BZW2: variants seen among roughly 807,000 people sequenced by gnomAD.
BZW2 encodes basic leucine zipper and W2 domains 2, also known as eIF5-mimic protein 1.
Under a neutral mutation model 53.2 loss-of-function variants are expected in BZW2, and 23 were observed. The observed-to-expected ratio is 0.43, with a 90% CI of 0.31 to 0.61. BZW2 has a LOEUF of 0.61. Among genes scored for constraint, BZW2 ranks in the 20% least tolerant of loss-of-function variants. The pLI is 0.09. For synonymous variants in BZW2, 227 were observed against 186.4 expected, an observed-to-expected ratio of 1.22 and a Z score of -1.77; for missense variants, 409 against 503.1, an observed-to-expected ratio of 0.81 and a Z score of 1.79.
At chr7:16,672,062 A>G (rs1329994771) in intron 2 of BZW2, among the ~76,000 whole-genome samples, 1 of 152,084 alleles carries the variant, frequency 6.6e-6, no homozygotes. Flanking sequence ...TAAGTTTTAC[A>G]TACCACTTGT....
In BZW2 at chr7:16,669,628, A is replaced by G. The variant is rs1192031602; in HGVS notation, c.58+4127A>G. Among the ~76,000 whole-genome samples, 6 of 152,338 alleles carry G rather than the reference A, an allele frequency of 3.9e-5. No homozygotes were observed. In the East Asian group the frequency reaches 9.6e-4, roughly 24 times the overall value. ...TGCTACATCTCAGTGACATCCAGAA[A>G]GGGATGTAGGTTCTGCTATTATATC... On this transcript the variant is annotated intron_variant, in intron 2 of 11. Transcript: ENST00000258761.
chr7:16,678,835 G>A (rs192511990), intron 3 of BZW2, among the ~76,000 whole-genome samples: 4 of 151,660 alleles, frequency 2.6e-5, no homozygotes, highest in East Asian at 1.9e-4. Flanking sequence ...GTGACATCAC[G>A]TGTCGGCCTG....
At chr7:16,659,078 A>G (rs1782188255) in intron 1 of BZW2, among the ~76,000 whole-genome samples, 1 of 151,856 alleles carries the variant, frequency 6.6e-6, no homozygotes, top group Non-Finnish European at 1.5e-5. Context: ...CCTGGGCAAC[A>G]TGGCGAAACT....
Position 16,693,909 on chromosome 7 carries a change from T to C in BZW2, c.652-925T>C, listed in dbSNP as rs182747317. ...TAGGAGCCCTCCAGCTGTGTTCCTA[T>C]AGGTGGTGGCAAACCCATTGCAGAT... is the stretch of plus-strand genomic sequence containing the variant. On this transcript the variant is annotated intron_variant, in intron 7 of 11. Coordinates refer to ENST00000258761, the MANE Select transcript of BZW2 (RefSeq NM_014038.3). Among the ~76,000 whole-genome samples the C allele has an allele frequency of 3.5e-4, 53 of 152,316 alleles. No homozygotes were observed. In the Middle Eastern group the frequency reaches 0.014, roughly 39 times the overall value.
intron 1 of BZW2, among the ~76,000 whole-genome samples, chr7:16,655,097 C>G (rs1782088628): frequency 6.6e-6 from 1 of 152,108 alleles, no homozygotes; most frequent in Non-Finnish European, 1.5e-5. Context: ...AAGTGGCCAC[C>G]TACTTTTTTC....
At chr7:16,701,611 A>G (rs1407198595) in intron 10 of BZW2, among the ~76,000 whole-genome samples, 30 of 152,282 alleles carry the variant, frequency 2.0e-4, no homozygotes, top group Non-Finnish European at 1.5e-5. Flanking sequence ...CATGATCTAA[A>G]ATTTAGCAGT....
At chr7:16,670,852 C>T (rs937827223) in intron 2 of BZW2, among the ~76,000 whole-genome samples, 10 of 152,132 alleles carry the variant, frequency 6.6e-5, no homozygotes, top group African/African-American at 2.4e-4. Context: ...CTTTTTATCT[C>T]TTGTTCATGA....
chr7:16,706,189 GAAAA>G lies in BZW2; in HGVS notation c.*108_*111del. 2 of 1,201,578 alleles carry G rather than the reference GAAAA, an allele frequency of 1.7e-6. No individual in the cohort carries two copies. Among genetic ancestry groups the G allele is most frequent in the Non-Finnish European group, 2.3e-6 (2 of 861,350 alleles). 74.4% of individuals were successfully genotyped at this position (1,201,578 alleles called of 1,614,324 possible). ...AAACTTGGCTTCTGTTTTCGCAAAG[GAAAA>G]AAAAAATAGGATAGGCTTCCCTTGT... On this transcript the variant is annotated 3_prime_UTR_variant, in exon 12 of 12. Transcript: ENST00000258761.
chr7:16,646,735 C>T (rs1781874488), intron 1 of BZW2, among the ~76,000 whole-genome samples: 1 of 152,164 alleles, frequency 6.6e-6, no homozygotes, highest in African/African-American at 2.4e-5. Context: ...CGCTGGTGAT[C>T]CTCGCCCTCC....
At chr7:16,654,385 T>C (rs534385087) in intron 1 of BZW2, among the ~76,000 whole-genome samples, 2 of 152,170 alleles carry the variant, frequency 1.3e-5, no homozygotes, top group South Asian at 4.1e-4. Flanking sequence ...AAATAAAGAT[T>C]CAGAGAATAT....
chr7:16,649,291 A>G (rs1435458548), intron 1 of BZW2, among the ~76,000 whole-genome samples: 1 of 152,206 alleles, frequency 6.6e-6, no homozygotes, highest in African/African-American at 2.4e-5. Flanking sequence ...GCTCAGTACA[A>G]GCTGAGTTGA....
intron 1 of BZW2, among the ~76,000 whole-genome samples, chr7:16,647,315 G>A (rs706024): frequency 0.69 from 105,107 of 152,092 alleles, 37,437 homozygotes; most frequent in African/African-American, 0.87. Flanking sequence ...AAATATTTGA[G>A]TAATTATGTA....
chr7:16,677,284 G>A (rs189305946), intron 3 of BZW2, among the ~76,000 whole-genome samples: 267 of 152,158 alleles, frequency 1.8e-3, no homozygotes, highest in African/African-American at 6.0e-3. Flanking sequence ...CTGATTGGTC[G>A]GGTGTGAGCT....
At chr7:16,648,575 A>C (rs369708175) in intron 1 of BZW2, among the ~76,000 whole-genome samples, 5 of 152,220 alleles carry the variant, frequency 3.3e-5, no homozygotes, top group African/African-American at 9.6e-5. Flanking sequence ...TACCAGTTCA[A>C]TAAACATTGA....
intron 1 of BZW2, 117 bp from the exon 2 acceptor site, chr7:16,665,319 AG>A: frequency 4.1e-6 from 5 of 1,212,702 alleles, no homozygotes; most frequent in Non-Finnish European, 4.7e-6. Flanking sequence ...AAAAAAAAAA[AG>A]AGGCATATTC....
intron 10 of BZW2, among the ~76,000 whole-genome samples, chr7:16,700,464 G>A (rs1457251575): frequency 6.6e-6 from 1 of 152,174 alleles, no homozygotes; most frequent in East Asian, 1.9e-4. Flanking sequence ...TATATGCCTA[G>A]AGGGAGACTT....
At chr7:16,687,210 A>T (rs1419911041) in intron 6 of BZW2, 5 of 152,178 alleles carry the variant, frequency 3.3e-5, no homozygotes, top group Admixed American at 3.3e-4. Flanking sequence ...TTAGTTATAG[A>T]AACTAGATGG....
In BZW2 at chr7:16,706,381, T is replaced by C. The variant is rs1783858521; in HGVS notation, c.*293T>C. 1 of 313,244 alleles carries C rather than the reference T, an allele frequency of 3.2e-6. No individual in the cohort carries two copies. The highest frequency in any genetic ancestry group is 5.0e-5 in the Admixed American group (1 of 20,104). 19.4% of individuals were successfully genotyped at this position (313,244 alleles called of 1,614,324 possible). A position where few individuals can be genotyped will look rare whatever the true frequency, so the allele number is the denominator to read the frequency against. ...AATTAAATACTCAACAGACTCCTCC[T>C]TTTTTAGCTGTATTTTTCAGGTACT... On this transcript the variant is annotated 3_prime_UTR_variant, in exon 12 of 12. Transcript: ENST00000258761.
chr7:16,695,347 G>T (rs183962243), intron 8 of BZW2, among the ~76,000 whole-genome samples: 14 of 152,264 alleles, frequency 9.2e-5, no homozygotes, highest in African/African-American at 3.1e-4. Flanking sequence ...TTTGTTGCAG[G>T]TTATCTAACC....
Sources: allele counts gnomAD v4.1 joint callset (sites outside exome capture counted in the v4.1 genomes callset), GRCh38; gene constraint gnomAD v4.1.1; transcripts MANE v1.5; gene names NCBI Gene and HGNC (gene_info 2026-07-23, HGNC 2026-07-21).